PDP2: variants seen among roughly 807,000 people sequenced by gnomAD.
PDP2 encodes pyruvate dehydrogenase phosphatase catalytic subunit 2.
A neutral mutation model predicts 34.2 loss-of-function variants in PDP2; 23 were observed. The ratio of observed to expected loss-of-function variants is 0.67; its 90% CI spans 0.48 to 0.95. PDP2 has a LOEUF of 0.95. Ranked by LOEUF, PDP2 falls within the 40% of genes least tolerant of loss-of-function variation. The probability of loss-of-function intolerance (pLI) is 0.00; values close to 1 mark genes in which losing one functional copy is unlikely to be tolerated. For missense variants in PDP2, 571 were observed against 659.6 expected, an observed-to-expected ratio of 0.87 and a Z score of 1.47; for synonymous variants, 275 against 269.2, an observed-to-expected ratio of 1.02 and a Z score of -0.21.
At position 66,886,398 on chromosome 16, in the gene PDP2, A is replaced by G. The variant is rs1961767413; in HGVS notation, c.*524A>G. 2.8e-6 allele frequency: 1 copy of G among 353,428 alleles called. No individual in the cohort carries two copies. Among genetic ancestry groups the G allele is most frequent in the Non-Finnish European group, 6.2e-6 (1 of 161,360 alleles). The allele number at this position is 353,428 out of a possible 1,614,324, so 21.9% of individuals were successfully genotyped here. A position where few individuals can be genotyped will look rare whatever the true frequency, so the allele number is the denominator to read the frequency against. On this transcript the variant is annotated 3_prime_UTR_variant, in exon 2 of 2. Transcript: ENST00000311765. ...ACTACAGGACCCTTTTCTATGCAAT[A>G]TCCTAACTTTTTTTTTTGTGATTAT... is the stretch of plus-strand genomic sequence containing the variant.
In PDP2 at chr16:66,885,723, G is replaced by C. The variant is rs1161096899; in HGVS notation, c.1439G>C (p.Gly480Ala). The C allele has an allele frequency of 6.2e-7, 1 of 1,614,044 alleles. No homozygotes were observed. Among genetic ancestry groups the C allele is most frequent in the Admixed American group, 1.7e-5 (1 of 60,018 alleles). ...AATRLIRHAI[G>A]NNEYGEMEAE... is the part of the protein sequence containing the mutation. ...ACGCGGCTGATCAGACATGCCATCGGGAACAATGAGTATGGGGAGATGGAG... is the reference window on the plus strand; with the variant it reads ...ACGCGGCTGATCAGACATGCCATCGCGAACAATGAGTATGGGGAGATGGAG... The change falls in exon 2 of 2, where the codon GGG (glycine) becomes GCG (alanine). Residue 480 changes from glycine (G) to alanine (A), a missense_variant. Transcript: ENST00000311765. This position sits in a 1 kb window ranked among gnomAD's most constrained non-coding sequence, Gnocchi z 4.6.
At chr16:66,883,960 G>C (rs966848075) in intron 1 of PDP2, among the ~76,000 whole-genome samples, 1 of 151,990 alleles carries the variant, frequency 6.6e-6, no homozygotes, top group Admixed American at 6.5e-5. Flanking sequence ...GGATCACAAG[G>C]TCAGGAGATC....
At chr16:66,882,348 AT>A (rs766287469) in intron 1 of PDP2, among the ~76,000 whole-genome samples, 11 of 152,074 alleles carry the variant, frequency 7.2e-5, no homozygotes, top group Admixed American at 2.6e-4. Flanking sequence ...AGGCAGGAGG[AT>A]CCCTTGAGGC....
chr16:66,885,866 G>T lies in PDP2; in HGVS notation c.1582G>T (p.Gly528Trp). 4 of 1,597,696 alleles carry T rather than the reference G, an allele frequency of 2.5e-6. No individual in the cohort carries two copies. Among genetic ancestry groups the T allele is most frequent in the Non-Finnish European group, 3.4e-6 (4 of 1,168,428 alleles). Reference sequence around the variant, plus strand: ...AGAATCAATCGGTGCATATTACAAGGGGGGTTAAGAATCTCCCATCCTATT... The same window carrying T: ...AGAATCAATCGGTGCATATTACAAGTGGGGTTAAGAATCTCCCATCCTATT... ...NSESIGAYYK[G>W]G Residue 528 changes from glycine (G) to tryptophan (W), a missense_variant, in exon 2 of 2, where the codon GGG becomes TGG. By Grantham distance (184) the Gly-to-Trp change is radical (BLOSUM62 -2). This residue lies in a region of PDP2 where 281 missense variants were observed against 375.8 expected (regional missense o/e 0.75). Transcript: ENST00000311765. The surrounding 1 kb of genome is among the most constrained non-coding windows in gnomAD (Gnocchi z 4.6).
rs1193761244 is a variant in PDP2 at position 66,886,448 on chromosome 16, A to G, written c.*574A>G. The stretch of plus-strand genomic sequence containing the variant: ...TGCTTGTGAGAAATTTTGTAATACT[A>G]CATTCTAGTTCTGTTTTCGTTTATT... On this transcript the variant is annotated 3_prime_UTR_variant, in exon 2 of 2. Coordinates refer to ENST00000311765, the MANE Select transcript of PDP2 (RefSeq NM_020786.4). 9.8e-6 allele frequency: 4 copies of G among 408,974 alleles called. No individual in the cohort carries two copies. Among genetic ancestry groups the G allele is most frequent in the Non-Finnish European group, 2.1e-5 (4 of 189,506 alleles). The allele number at this position is 408,974 out of a possible 1,614,324, so 25.3% of individuals were successfully genotyped here.
At chr16:66,884,178 A>G in intron 1 of PDP2, 53 bp from the exon 2 acceptor site, 2 of 1,068,924 alleles carry the variant, frequency 1.9e-6, no homozygotes, top group Non-Finnish European at 2.6e-6. Context: ...CGTCTCAAAA[A>G]AAAAAAAAAA....
At chr16:66,882,826 A>G (rs1336674620) in intron 1 of PDP2, among the ~76,000 whole-genome samples, 1 of 152,206 alleles carries the variant, frequency 6.6e-6, no homozygotes, top group African/African-American at 2.4e-5. Context: ...ATATACATGT[A>G]TATAAAATTT....
At chr16:66,883,365 C>A (rs1961597901) in intron 1 of PDP2, among the ~76,000 whole-genome samples, 1 of 152,128 alleles carries the variant, frequency 6.6e-6, no homozygotes, top group African/African-American at 2.4e-5. Context: ...ATCTCCTGAA[C>A]TCGTGATCAG....
intron 1 of PDP2, among the ~76,000 whole-genome samples, chr16:66,883,391 C>CA (rs1207845433): frequency 8.5e-5 from 13 of 152,224 alleles, no homozygotes; most frequent in African/African-American, 2.6e-4. Flanking sequence ...CTCGGCCTCC[C>CA]AAAGTGCTGG....
chr16:66,885,894 C>A lies in PDP2; in HGVS notation c.*20C>A, dbSNP rs541803329. 1.1e-4 allele frequency: 178 copies of A among 1,573,966 alleles called. 3 individuals are homozygous for A. The South Asian group carries it at 2.0e-3, about 18-fold the overall frequency. On this transcript the variant is annotated 3_prime_UTR_variant, in exon 2 of 2. Coordinates refer to ENST00000311765, the MANE Select transcript of PDP2 (RefSeq NM_020786.4). The surrounding 1 kb of genome is among the most constrained non-coding windows in gnomAD (Gnocchi z 4.6). Reference sequence around the variant, plus strand: ...GGTTAAGAATCTCCCATCCTATTGTCAAGGTTAACATAAATGCTCTTCTAA... The same window carrying A: ...GGTTAAGAATCTCCCATCCTATTGTAAAGGTTAACATAAATGCTCTTCTAA...
At chr16:66,881,816 G>A (rs914933864) in intron 1 of PDP2, among the ~76,000 whole-genome samples, 3 of 152,070 alleles carry the variant, frequency 2.0e-5, no homozygotes, top group Admixed American at 6.6e-5. Flanking sequence ...GAGTAGCTGG[G>A]ACTACAGGCA....
At position 66,886,497 on chromosome 16, in the gene PDP2, C is replaced by T. The variant is rs1961770657; in HGVS notation, c.*623C>T. 4.4e-6 allele frequency: 2 copies of T among 457,506 alleles called. No homozygotes were observed. The highest frequency in any genetic ancestry group is 4.0e-5 in the African/African-American group (2 of 49,596). 28.3% of individuals were successfully genotyped at this position (457,506 alleles called of 1,614,324 possible). ...TTTTAAAACTGAATCCTTAAACTTG[C>T]AAACACGCCTACTGTAAGCATGCTT... On this transcript the variant is annotated 3_prime_UTR_variant, in exon 2 of 2. Transcript: ENST00000311765.
At position 66,890,034 on chromosome 16, in the gene PDP2, C is replaced by T. The variant is rs962537808; in HGVS notation, c.*4160C>T. The T allele has an allele frequency of 6.7e-6, 1 of 149,748 alleles. No individual in the cohort carries two copies. Among genetic ancestry groups the T allele is most frequent in the East Asian group, 2.0e-4 (1 of 5,106 alleles). The allele number at this position is 149,748 out of a possible 1,614,324, so 9.3% of individuals were successfully genotyped here. The stretch of plus-strand genomic sequence containing the variant: ...GTGGCTCATGCCTGTGATCCCAGCA[C>T]TTTCGGAGGCCAAAGTGGGTGGATT... On this transcript the variant is annotated 3_prime_UTR_variant, in exon 2 of 2. Transcript: ENST00000311765.
Position 66,884,812 on chromosome 16 carries a change from T to A in PDP2, c.528T>A (p.Ala176=), listed in dbSNP as rs1194249493. 1 of 1,614,124 alleles carries A rather than the reference T, an allele frequency of 6.2e-7. No homozygotes were observed. The highest frequency in any genetic ancestry group is 8.5e-7 in the Non-Finnish European group (1 of 1,180,046). Residue 176 remains alanine (A), a synonymous_variant, in exon 2 of 2, where the codon GCT becomes GCA. Transcript: ENST00000311765. ...SHQTLEHMEG[A]MESMKPLLPI... is the part of the protein sequence containing the mutation. ...AGACCCTGGAGCACATGGAGGGAGC[T>A]ATGGAAAGCATGAAACCCTTGCTGC...
rs1961794824 is a variant in PDP2, at chr16:66,887,054, T to G, written c.*1180T>G. 6.0e-6 allele frequency: 1 copy of G among 167,692 alleles called. No individual in the cohort carries two copies. Among genetic ancestry groups the G allele is most frequent in the Admixed American group, 6.5e-5 (1 of 15,406 alleles). The allele number at this position is 167,692 out of a possible 1,614,324, so 10.4% of individuals were successfully genotyped here. ...TCTAACCAAGTTTCTCTGAATCCTT[T>G]CCTGAGAGGTGGTGGGCAGGAGGGA... On this transcript the variant is annotated 3_prime_UTR_variant, in exon 2 of 2. Transcript: ENST00000311765.
In PDP2 at chr16:66,885,616, A is replaced by G. The variant is rs758728655; in HGVS notation, c.1332A>G (p.Arg444=). The G allele has an allele frequency of 1.9e-6, 3 of 1,614,020 alleles. No individual in the cohort carries two copies. Among genetic ancestry groups the G allele is most frequent in the Non-Finnish European group, 2.5e-6 (3 of 1,180,020 alleles). Residue 444 remains arginine (R), a synonymous_variant, in exon 2 of 2, where the codon AGA becomes AGG. Coordinates refer to ENST00000311765, the MANE Select transcript of PDP2 (RefSeq NM_020786.4). The surrounding 1 kb of genome is among the most constrained non-coding windows in gnomAD (Gnocchi z 4.6). ...ADWHKTDLAQ[R]PANLGLMQSL... ...GGCACAAGACAGACCTGGCCCAGAG[A>G]CCCGCCAACTTGGGGCTCATGCAGA...
chr16:66,889,387 G>C lies in PDP2; in HGVS notation c.*3513G>C, dbSNP rs538702517. 1 of 152,214 alleles carries C rather than the reference G, an allele frequency of 6.6e-6. No homozygotes were observed. Among genetic ancestry groups the C allele is most frequent in the African/African-American group, 2.4e-5 (1 of 41,522 alleles). The allele number at this position is 152,214 out of a possible 1,614,324, so 9.4% of individuals were successfully genotyped here. A position where few individuals can be genotyped will look rare whatever the true frequency, so the allele number is the denominator to read the frequency against. ...ACAGTCTCAGCTCACTGCAACGTCT[G>C]CCTCCCAGATTGAAGTGACTCTCGT... is the stretch of plus-strand genomic sequence containing the variant. On this transcript the variant is annotated 3_prime_UTR_variant, in exon 2 of 2. Coordinates refer to ENST00000311765, the MANE Select transcript of PDP2 (RefSeq NM_020786.4).
rs1961777716 is a variant in PDP2 at position 66,886,649 on chromosome 16, ACT to A, written c.*776_*777del. On this transcript the variant is annotated 3_prime_UTR_variant, in exon 2 of 2. Transcript: ENST00000311765. The stretch of plus-strand genomic sequence containing the variant: ...AAACTTTGAGCCATGCTAGGAGGTA[ACT>A]AGTCTATGCCTTAACTCCTGACCTT... 31 of 416,618 alleles carry A rather than the reference ACT, an allele frequency of 7.4e-5. 1 individual carries two copies. Among genetic ancestry groups the A allele is most frequent in the South Asian group, 5.2e-4 (31 of 59,758 alleles). The allele number at this position is 416,618 out of a possible 1,614,324, so 25.8% of individuals were successfully genotyped here.
Position 66,884,261 on chromosome 16 carries a change from C to A in PDP2, c.-24C>A. ...AAAATATCCTTTTTTGCTGAAGGAA[C>A]ACATTTGCTGGTATAGTTTCAGAAT... is the stretch of plus-strand genomic sequence containing the variant. On this transcript the variant is annotated 5_prime_UTR_variant, in exon 2 of 2. Coordinates refer to ENST00000311765, the MANE Select transcript of PDP2 (RefSeq NM_020786.4). The A allele has an allele frequency of 1.4e-5, 21 of 1,468,540 alleles. No individual in the cohort carries two copies. Among genetic ancestry groups the A allele is most frequent in the South Asian group, 7.6e-5 (5 of 65,430 alleles). 91.0% of individuals were successfully genotyped at this position (1,468,540 alleles called of 1,614,324 possible).
Sources: gnomAD v4.1 joint callset for allele counts (sites outside exome capture counted in the v4.1 genomes callset) on GRCh38, gnomAD v4.1.1 for gene constraint, gnomAD v4.1.1 regional missense constraint, Gnocchi (gnomAD v3.1) non-coding constraint, MANE v1.5 for transcripts, NCBI Gene and HGNC (gene_info 2026-07-23, HGNC 2026-07-21) for gene names.